RC3H2: variants seen among roughly 807,000 people sequenced by gnomAD.
RC3H2 encodes roquin-2.
Under a neutral mutation model 133.3 loss-of-function variants are expected in RC3H2, and 31 were observed. The ratio of observed to expected loss-of-function variants is 0.23; its 90% CI spans 0.17 to 0.31. RC3H2 has a LOEUF of 0.31. Ranked by LOEUF, RC3H2 falls within the 10% of genes least tolerant of loss-of-function variation. The pLI, the probability that RC3H2 is intolerant of heterozygous loss-of-function variation, is 1.00. For missense variants in RC3H2, 1,175 were observed against 1,437.2 expected, an observed-to-expected ratio of 0.82 and a Z score of 2.95; for synonymous variants, 517 against 502.2, an observed-to-expected ratio of 1.03 and a Z score of -0.40.
chr9:122,868,876 TG>T (rs1830907293), intron 9 of RC3H2, among the ~76,000 whole-genome samples: 1 of 23,398 alleles, frequency 4.3e-5, no homozygotes, highest in Admixed American at 4.1e-4. Context: ...TGTGTGTGTG[TG>T]TGTGTGTGTG....
intron 3 of RC3H2, among the ~76,000 whole-genome samples, chr9:122,891,011 C>T (rs1226468274): frequency 8.9e-6 from 1 of 112,402 alleles, no homozygotes; most frequent in Non-Finnish European, 1.8e-5. Flanking sequence ...AAATCTGCCC[C>T]ATTTTTTTTT....
chr9:122,849,951 A>G, intron 20 of RC3H2, 129 bp from the exon 21 acceptor site: 3 of 495,658 alleles, frequency 6.1e-6, no homozygotes, highest in Non-Finnish European at 1.0e-5. Context: ...CTTTATCACT[A>G]GAAGTATCAG....
Position 122,878,988 on chromosome 9 carries a change from CT to C in RC3H2, c.1212+766del, listed in dbSNP as rs374434614. ...GCCAAGCTGGTCTCGAACTTCTGGC[CT>C]CAAGTGATCCACTCACCTCAACCTC... On this transcript the variant is annotated intron_variant, in intron 8 of 20. Coordinates refer to ENST00000357244, the MANE Select transcript of RC3H2 (RefSeq NM_001100588.3). Among the ~76,000 whole-genome samples the C allele has an allele frequency of 2.9e-4, 44 of 150,506 alleles. 1 individual carries two copies. In the East Asian group the frequency reaches 5.3e-3, roughly 18 times the overall value.
At chr9:122,896,988 T>C (rs948176503) in intron 2 of RC3H2, among the ~76,000 whole-genome samples, 5 of 122,534 alleles carry the variant, frequency 4.1e-5, no homozygotes, top group African/African-American at 1.3e-4. Context: ...ATCACGCCAC[T>C]GCACACCAGC....
chr9:122,853,892 A>G (rs1830145990), intron 18 of RC3H2, 60 bp downstream of exon 18: 6 of 1,614,244 alleles, frequency 3.7e-6, no homozygotes, highest in Non-Finnish European at 4.2e-6. Context: ...GGTATAACCA[A>G]GATGCAGCAG....
chr9:122,875,145 A>C, intron 9 of RC3H2: 1 of 1,533,116 alleles, frequency 6.5e-7, no homozygotes, highest in Non-Finnish European at 8.8e-7. Flanking sequence ...GATTGGGTAC[A>C]AACAGCATCT....
intron 1 of RC3H2, among the ~76,000 whole-genome samples, 181 bp downstream of exon 1, chr9:122,904,929 G>C (rs535202613): frequency 6.6e-6 from 1 of 152,174 alleles, no homozygotes; most frequent in African/African-American, 2.4e-5. Context: ...ACCAGAGAGA[G>C]GGGCCTCCGC....
At chr9:122,878,705 T>A (rs1831454669) in intron 8 of RC3H2, among the ~76,000 whole-genome samples, 1 of 152,116 alleles carries the variant, frequency 6.6e-6, no homozygotes, top group Non-Finnish European at 1.5e-5. Context: ...CATAATAATT[T>A]ATTAAATAGA....
At chr9:122,852,181 C>G (rs1410000215) in intron 18 of RC3H2, among the ~76,000 whole-genome samples, 1 of 151,296 alleles carries the variant, frequency 6.6e-6, no homozygotes. Context: ...TGCCTCTGCC[C>G]GGCCGCCACC....
At chr9:122,901,882 C>T (rs1250583047) in intron 1 of RC3H2, among the ~76,000 whole-genome samples, 1 of 151,704 alleles carries the variant, frequency 6.6e-6, no homozygotes, top group Non-Finnish European at 1.5e-5. Flanking sequence ...AGCCTCGGCG[C>T]CCAGTCTCAA....
intron 9 of RC3H2, among the ~76,000 whole-genome samples, chr9:122,875,881 GATTTT>G (rs1207202816): frequency 6.6e-6 from 1 of 152,228 alleles, no homozygotes; most frequent in Non-Finnish European, 1.5e-5. Context: ...CCACAACATA[GATTTT>G]ATTTCTTAAT....
rs1481912347 is a variant in RC3H2, at chr9:122,853,824, G to A, written c.3117+128C>T. ...GATTACAATTTTATTTCTGTTATAA[G>A]TTTTAAAAGCAATCAATCATCCATC... On this transcript the variant is annotated intron_variant, in intron 18 of 20. Coordinates refer to ENST00000357244, the MANE Select transcript of RC3H2 (RefSeq NM_001100588.3). 7 of 1,557,308 alleles carry A rather than the reference G, an allele frequency of 4.5e-6. 1 individual carries two copies. In the South Asian group the frequency reaches 7.0e-5, roughly 16 times the overall value.
At chr9:122,872,125 T>C (rs1179885766) in intron 9 of RC3H2, among the ~76,000 whole-genome samples, 1 of 152,170 alleles carries the variant, frequency 6.6e-6, no homozygotes, top group Non-Finnish European at 1.5e-5. Flanking sequence ...TCAAACATCA[T>C]TATGGCCAAG....
chr9:122,851,787 G>C (rs1174296452), intron 18 of RC3H2, among the ~76,000 whole-genome samples: 1 of 152,254 alleles, frequency 6.6e-6, no homozygotes, highest in Admixed American at 6.5e-5. Context: ...ACGGAGTCTG[G>C]TTCACTCAGT....
intron 10 of RC3H2, among the ~76,000 whole-genome samples, chr9:122,862,879 G>C (rs1006945708): frequency 7.4e-6 from 1 of 134,658 alleles, no homozygotes; most frequent in African/African-American, 2.8e-5. Context: ...GGGTGACAGA[G>C]AGACTCCATC....
At chr9:122,870,883 T>G (rs916425438) in intron 9 of RC3H2, among the ~76,000 whole-genome samples, 44 of 152,358 alleles carry the variant, frequency 2.9e-4, no homozygotes, top group African/African-American at 7.9e-4. Context: ...ACCAAGCAGC[T>G]AAATGTTGGA....
chr9:122,892,008 T>G (rs1832197949), intron 3 of RC3H2, among the ~76,000 whole-genome samples: 1 of 152,242 alleles, frequency 6.6e-6, no homozygotes, highest in Non-Finnish European at 1.5e-5. Flanking sequence ...CATGCATACA[T>G]GAAGCTGTCT....
chr9:122,857,767 C>T (rs1332149960), intron 13 of RC3H2, among the ~76,000 whole-genome samples, 156 bp downstream of exon 13: 1 of 152,126 alleles, frequency 6.6e-6, no homozygotes. Context: ...AACACCTAGC[C>T]GTAGTGCATT....
At chr9:122,893,151 C>G in intron 2 of RC3H2, 125 bp from the exon 3 acceptor site, 1 of 1,268,452 alleles carries the variant, frequency 7.9e-7, no homozygotes, top group Non-Finnish European at 1.0e-6. Flanking sequence ...TACATGAAAG[C>G]CATTTAAGTA....
Sources: allele counts gnomAD v4.1 joint callset (sites outside exome capture counted in the v4.1 genomes callset), GRCh38; gene constraint gnomAD v4.1.1; transcripts MANE v1.5; gene names NCBI Gene and HGNC (gene_info 2026-07-23, HGNC 2026-07-21).